Variants in SLC23A2 observed in about 807,000 individuals in gnomAD.
The protein encoded by SLC23A2 is solute carrier family 23 member 2, also known as Na(+)/L-ascorbic acid transporter 2.
In SLC23A2, 36 loss-of-function variants were observed where a neutral mutation model predicts 73.3. That is an observed-to-expected ratio of 0.49 (90% CI 0.38 to 0.65). The LOEUF (loss-of-function observed/expected upper bound fraction) is 0.65. Ranked by LOEUF, SLC23A2 falls within the 30% of genes least tolerant of loss-of-function variation. The pLI, the probability that SLC23A2 is intolerant of heterozygous loss-of-function variation, is 0.00. For synonymous variants in SLC23A2, 343 were observed against 327.3 expected (o/e 1.05, Z -0.52); for missense variants, 507 against 841.6 (o/e 0.60, Z 4.92).
Position 4,862,098 on chromosome 20 carries a change from A to C in SLC23A2, c.1487-13T>G. Reference sequence around the variant, plus strand: ...GCTGTGATCATTCCTGGAGAAAAACAAACCAGACCACAAGCTCCAGCACCA... The same window carrying C: ...GCTGTGATCATTCCTGGAGAAAAACCAACCAGACCACAAGCTCCAGCACCA... On this transcript the variant is annotated splice_polypyrimidine_tract_variant and intron_variant, in intron 14 of 16. Coordinates refer to ENST00000338244, the MANE Select transcript of SLC23A2 (RefSeq NM_005116.6). This position sits in a 1 kb window ranked among gnomAD's most constrained non-coding sequence, Gnocchi z 5.1. The C allele has an allele frequency of 6.2e-7, 1 of 1,613,832 alleles. No individual in the cohort carries two copies. Among genetic ancestry groups the C allele is most frequent in the Non-Finnish European group, 8.5e-7 (1 of 1,179,842 alleles).
intron 1 of SLC23A2, among the ~76,000 whole-genome samples, chr20:4,992,253 G>A (rs1386985269): frequency 6.6e-6 from 1 of 152,122 alleles, no homozygotes; most frequent in Non-Finnish European, 1.5e-5. Context: ...CAGATAAACT[G>A]ACTAAAACAA....
At chr20:4,968,770 G>A (rs2122214624) in intron 2 of SLC23A2, among the ~76,000 whole-genome samples, 1 of 152,018 alleles carries the variant, frequency 6.6e-6, no homozygotes, top group Non-Finnish European at 1.5e-5. Context: ...CCAGGCTGGA[G>A]CACGATGGCA....
Position 4,961,915 on chromosome 20 carries a change from C to T in SLC23A2, c.-155+8878G>A, listed in dbSNP as rs779799881. Among the ~76,000 whole-genome samples the T allele has an allele frequency of 3.2e-4, 49 of 152,172 alleles. 1 individual carries two copies. Among genetic ancestry groups the T allele is most frequent in the Non-Finnish European group, 7.3e-5 (5 of 68,044 alleles). On this transcript the variant is annotated intron_variant, in intron 2 of 16. Transcript: ENST00000338244. ...CGGACAGTTCCACACAGACCATCTG[C>T]AGTGATTGCCTCATAGCCTCTGTGG...
At chr20:4,991,192 T>C (rs990572930) in intron 1 of SLC23A2, among the ~76,000 whole-genome samples, 4 of 152,056 alleles carry the variant, frequency 2.6e-5, no homozygotes, top group African/African-American at 4.8e-5. Context: ...ACTGCAGCCT[T>C]GAACTCCTGG....
At chr20:4,994,898 C>T (rs574027064) in intron 1 of SLC23A2, among the ~76,000 whole-genome samples, 26 of 151,846 alleles carry the variant, frequency 1.7e-4, no homozygotes, top group African/African-American at 5.6e-4. Context: ...CGCACCATTG[C>T]ACTCTAGCCT....
chr20:4,898,822 C>A lies in SLC23A2; in HGVS notation c.482+733G>T, dbSNP rs1250455834. ...AAGACATAGAAACAAAAAGGACAAACTGGAATAAAGGCCACACTGGAAGGA... is the reference window on the plus strand; with the variant it reads ...AAGACATAGAAACAAAAAGGACAAAATGGAATAAAGGCCACACTGGAAGGA... On this transcript the variant is annotated intron_variant, in intron 6 of 16. Transcript: ENST00000338244. 1.3e-5 allele frequency among the ~76,000 whole-genome samples: 2 copies of A among 152,132 alleles called. 1 individual carries two copies. The highest frequency in any genetic ancestry group is 4.1e-4 in the South Asian group (2 of 4,832).
intron 13 of SLC23A2, among the ~76,000 whole-genome samples, chr20:4,866,311 T>C (rs141358887): frequency 6.6e-6 from 1 of 152,304 alleles, no homozygotes; most frequent in East Asian, 1.9e-4. Flanking sequence ...AACAATATTT[T>C]TGAATTGAAG....
In SLC23A2 at chr20:4,862,638, C is replaced by A; in HGVS notation, c.1486+140G>T. ...CAACTCAGAGAGTGATAAAAGTTTT[C>A]ATTTTTTGAAGGCATATCCTTTGTA... On this transcript the variant is annotated intron_variant, in intron 14 of 16. Coordinates refer to ENST00000338244, the MANE Select transcript of SLC23A2 (RefSeq NM_005116.6). The surrounding 1 kb of genome is among the most constrained non-coding windows in gnomAD (Gnocchi z 5.1). 1.4e-6 allele frequency: 1 copy of A among 711,212 alleles called. No homozygotes were observed. Among genetic ancestry groups the A allele is most frequent in the Non-Finnish European group, 2.3e-6 (1 of 437,644 alleles). 44.1% of individuals were successfully genotyped at this position (711,212 alleles called of 1,614,324 possible). A position where few individuals can be genotyped will look rare whatever the true frequency, so the allele number is the denominator to read the frequency against.
At chr20:4,999,284 G>A (rs2088076653) in intron 1 of SLC23A2, among the ~76,000 whole-genome samples, 1 of 152,158 alleles carries the variant, frequency 6.6e-6, no homozygotes, top group African/African-American at 2.4e-5. Flanking sequence ...CTCTGTGAGG[G>A]CAAAAGACAC....
Position 4,934,185 on chromosome 20 carries a change from T to G in SLC23A2, c.-154-1469A>C, listed in dbSNP as rs564636913. The stretch of plus-strand genomic sequence containing the variant: ...CATTTGCATTTTCATTCACGTACTA[T>G]CCACATTCATTTAAAGCAGTGGTTC... On this transcript the variant is annotated intron_variant, in intron 2 of 16. Coordinates refer to ENST00000338244, the MANE Select transcript of SLC23A2 (RefSeq NM_005116.6). Among the ~76,000 whole-genome samples the G allele has an allele frequency of 4.6e-5, 7 of 152,278 alleles. No homozygotes were observed. In the South Asian group the frequency reaches 1.5e-3, roughly 32 times the overall value.
intron 12 of SLC23A2, 100 bp downstream of exon 12, chr20:4,869,806 C>A: frequency 9.1e-7 from 1 of 1,099,174 alleles, no homozygotes; most frequent in East Asian, 2.5e-5. Context: ...GGCTGGGCTC[C>A]TGCTGAAACT....
rs746210650 is a variant in SLC23A2, at chr20:4,859,248, AAAT to A, written c.1720+38_1720+40del. On this transcript the variant is annotated intron_variant, in intron 16 of 16. Transcript: ENST00000338244. The stretch of plus-strand genomic sequence containing the variant: ...CAAAAAAAGTAACACATATGTTAAA[AAAT>A]AAAAAAAAAAAAAGTGTGTTTGATA... 950 of 1,254,426 alleles carry A rather than the reference AAAT, an allele frequency of 7.6e-4. 21 individuals are homozygous for A. The highest frequency in any genetic ancestry group is 4.8e-3 in the African/African-American group (292 of 61,132). 77.7% of individuals were successfully genotyped at this position (1,254,426 alleles called of 1,614,324 possible). A position where few individuals can be genotyped will look rare whatever the true frequency, so the allele number is the denominator to read the frequency against.
intron 1 of SLC23A2, among the ~76,000 whole-genome samples, chr20:4,980,753 C>T (rs2087714184): frequency 6.6e-6 from 1 of 152,104 alleles, no homozygotes; most frequent in Non-Finnish European, 1.5e-5. Flanking sequence ...TGGTCTCAAA[C>T]TCCCAACCTC....
chr20:4,969,002 T>C (rs1778215104), intron 2 of SLC23A2, among the ~76,000 whole-genome samples: 1 of 152,134 alleles, frequency 6.6e-6, no homozygotes, highest in South Asian at 2.1e-4. Flanking sequence ...ATTACAGGTG[T>C]GAGCCACTGT....
At chr20:4,991,720 T>TCACACACACACACACA (rs11471369) in intron 1 of SLC23A2, among the ~76,000 whole-genome samples, 5 of 139,426 alleles carry the variant, frequency 3.6e-5, no homozygotes, top group Non-Finnish European at 6.2e-5. Context: ...AGACTCCGTT[T>TCACACACACACACACA]CACACACACA....
intron 11 of SLC23A2, among the ~76,000 whole-genome samples, chr20:4,870,858 C>T (rs1285077840): frequency 1.3e-5 from 2 of 152,204 alleles, no homozygotes; most frequent in Non-Finnish European, 2.9e-5. Flanking sequence ...TATGGACAGT[C>T]CTTCTCTACT....
intron 2 of SLC23A2, among the ~76,000 whole-genome samples, chr20:4,960,089 T>C (rs1330564829): frequency 5.9e-5 from 9 of 152,220 alleles, no homozygotes; most frequent in Non-Finnish European, 1.3e-4. Context: ...CTATCATACC[T>C]GGCCTCTAGC....
intron 2 of SLC23A2, among the ~76,000 whole-genome samples, chr20:4,962,525 G>A (rs1423652525): frequency 6.6e-6 from 1 of 152,250 alleles, no homozygotes; most frequent in African/African-American, 2.4e-5. Context: ...CTGTCTGGGA[G>A]ACGACTGGGC....
In SLC23A2 at chr20:4,932,598, G is replaced by A. The variant is rs935945036; in HGVS notation, c.-36C>T. 4.4e-6 allele frequency: 5 copies of A among 1,148,358 alleles called. No individual in the cohort carries two copies. In the Admixed American group the frequency reaches 8.4e-5, roughly 19 times the overall value. The allele number at this position is 1,148,358 out of a possible 1,614,324, so 71.1% of individuals were successfully genotyped here. A position where few individuals can be genotyped will look rare whatever the true frequency, so the allele number is the denominator to read the frequency against. On this transcript the variant is annotated 5_prime_UTR_variant, in exon 3 of 17. Transcript: ENST00000338244. ...GAGTAGTTTACACAGCCGTTGGGGA[G>A]AGCAGCTGGAAGTGAAGGCTTATTC...
Sources: gnomAD v4.1 joint callset for allele counts (sites outside exome capture counted in the v4.1 genomes callset) on GRCh38, gnomAD v4.1.1 for gene constraint, Gnocchi (gnomAD v3.1) non-coding constraint, MANE v1.5 for transcripts, NCBI Gene and HGNC (gene_info 2026-07-23, HGNC 2026-07-21) for gene names.